The following NT5C2 variants were observed in gnomAD, a reference collection of about 807,000 sequenced individuals.
NT5C2 encodes the protein cytosolic purine 5'-nucleotidase.
Under a neutral mutation model 76.1 loss-of-function variants are expected in NT5C2, and 58 were observed. The ratio of observed to expected loss-of-function variants is 0.76; its 90% CI spans 0.62 to 0.95. The LOEUF (loss-of-function observed/expected upper bound fraction) is 0.95, where lower values mean the gene tolerates loss of function less well. NT5C2 is among the 40% of genes least tolerant of loss of function. The pLI is 0.00. For missense variants in NT5C2, 478 were observed against 690.3 expected (o/e 0.69, Z 3.45); for synonymous variants, 229 against 237.4 (o/e 0.96, Z 0.32).
intron 1 of NT5C2, among the ~76,000 whole-genome samples, chr10:103,184,885 T>C (rs184067366): frequency 3.9e-5 from 6 of 152,352 alleles, no homozygotes; most frequent in Non-Finnish European, 7.3e-5. Flanking sequence ...GCAGTACCTG[T>C]TGCCTTGACA....
chr10:103,127,793 T>A (rs1263417261), intron 4 of NT5C2, among the ~76,000 whole-genome samples: 1 of 152,092 alleles, frequency 6.6e-6, no homozygotes, highest in Non-Finnish European at 1.5e-5. Flanking sequence ...CCTGACCTTG[T>A]GATCCGCCCG....
chr10:103,142,458 C>A (rs1175461446), intron 3 of NT5C2, among the ~76,000 whole-genome samples: 1 of 152,038 alleles, frequency 6.6e-6, no homozygotes, highest in Non-Finnish European at 1.5e-5. Context: ...ATCGCTTGAG[C>A]ACAGGAGTTC....
At chr10:103,181,138 T>C (rs564891459) in intron 2 of NT5C2, 47 bp downstream of exon 2, 38 of 152,070 alleles carry the variant, frequency 2.5e-4, no homozygotes, top group African/African-American at 8.9e-4. Flanking sequence ...TGGGTACATA[T>C]ATATATGTTA....
intron 4 of NT5C2, among the ~76,000 whole-genome samples, chr10:103,114,873 A>T (rs796575026): frequency 1.4e-4 from 21 of 152,356 alleles, no homozygotes; most frequent in African/African-American, 4.6e-4. Context: ...TGACAGAATC[A>T]CAACATCCTC....
At chr10:103,164,813 T>C (rs963793373) in intron 3 of NT5C2, among the ~76,000 whole-genome samples, 5 of 152,246 alleles carry the variant, frequency 3.3e-5, no homozygotes, top group African/African-American at 1.2e-4. Context: ...CTTATACTAT[T>C]TCAATAAATC....
chr10:103,185,517 G>A (rs1010221783), intron 1 of NT5C2, among the ~76,000 whole-genome samples: 2 of 151,682 alleles, frequency 1.3e-5, no homozygotes, highest in Admixed American at 6.6e-5. Context: ...GCATGGTGAC[G>A]GGTGCCTGTA....
chr10:103,151,380 G>A (rs759140849), intron 3 of NT5C2, among the ~76,000 whole-genome samples: 4 of 151,232 alleles, frequency 2.6e-5, no homozygotes, highest in Admixed American at 1.3e-4. Flanking sequence ...CAGGAGAATC[G>A]CTTCAACCTG....
At chr10:103,099,287 CTAGTCTTGA>C (rs1203336861) in intron 9 of NT5C2, among the ~76,000 whole-genome samples, 1 of 152,148 alleles carries the variant, frequency 6.6e-6, no homozygotes, top group Non-Finnish European at 1.5e-5. Context: ...GTTGCCCAGG[CTAGTCTTGA>C]ACTCCTGAGC....
In NT5C2 at chr10:103,163,889, G is replaced by T. The variant is rs190577845; in HGVS notation, c.101+10969C>A. ...AAAAAAACAAAAAAAAAAAAACCTG[G>T]TGGCACACACCTGTAATCCCAGCTA... On this transcript the variant is annotated intron_variant, in intron 3 of 18. Coordinates refer to ENST00000404739, the MANE Select transcript of NT5C2 (RefSeq NM_001351169.2). 5.3e-3 allele frequency among the ~76,000 whole-genome samples: 796 copies of T among 149,318 alleles called. 7 individuals are homozygous for T. The highest frequency in any genetic ancestry group is 0.018 in the African/African-American group (743 of 40,582).
intron 16 of NT5C2, 88 bp downstream of exon 16, chr10:103,091,476 G>C (rs1480065262): frequency 9.7e-7 from 1 of 1,029,724 alleles, no homozygotes; most frequent in Non-Finnish European, 1.5e-6. Flanking sequence ...CTCCCAAATA[G>C]CTGGGATTAC....
intron 3 of NT5C2, 106 bp downstream of exon 3, chr10:103,174,752 G>C (rs766342328): frequency 3.8e-6 from 3 of 785,038 alleles, no homozygotes; most frequent in Admixed American, 1.8e-5. Flanking sequence ...CTAGACATAC[G>C]ATCTGGGTTA....
At chr10:103,153,197 G>A (rs778402985) in intron 3 of NT5C2, 120 of 853,818 alleles carry the variant, frequency 1.4e-4, no homozygotes, top group Non-Finnish European at 1.8e-4. Flanking sequence ...CTCCACTCTC[G>A]GACTGGTAGC....
intron 3 of NT5C2, chr10:103,146,392 A>G: frequency 1.0e-6 from 1 of 985,408 alleles, no homozygotes; most frequent in Non-Finnish European, 1.2e-6. Context: ...AATGAGACTA[A>G]GGATTCAAGT....
intron 3 of NT5C2, among the ~76,000 whole-genome samples, chr10:103,151,058 G>T (rs2082308892): frequency 6.6e-6 from 1 of 152,024 alleles, no homozygotes; most frequent in Non-Finnish European, 1.5e-5. Context: ...TTATATTCAG[G>T]TCTATGATCC....
chr10:103,186,690 G>A (rs1240044939), intron 1 of NT5C2, among the ~76,000 whole-genome samples: 2 of 151,476 alleles, frequency 1.3e-5, no homozygotes, highest in African/African-American at 2.4e-5. Context: ...CGAGGCGGGC[G>A]GATCACAAGG....
At chr10:103,139,218 G>T (rs969056057) in intron 4 of NT5C2, among the ~76,000 whole-genome samples, 188 bp downstream of exon 4, 1 of 152,084 alleles carries the variant, frequency 6.6e-6, no homozygotes, top group Admixed American at 6.6e-5. Context: ...ACAAACTCAT[G>T]AGCCACATCT....
chr10:103,164,117 C>T (rs1173997907), intron 3 of NT5C2, among the ~76,000 whole-genome samples: 1 of 152,082 alleles, frequency 6.6e-6, no homozygotes, highest in Non-Finnish European at 1.5e-5. Flanking sequence ...TGGTGGTGTG[C>T]TCCTGTATTT....
intron 4 of NT5C2, among the ~76,000 whole-genome samples, chr10:103,109,098 C>T (rs2072236947): frequency 6.6e-6 from 1 of 152,128 alleles, no homozygotes. Context: ...GATCCGCCTG[C>T]CTCGGGCTCC....
At chr10:103,151,947 C>A (rs1841366240) in intron 3 of NT5C2, among the ~76,000 whole-genome samples, 1 of 152,120 alleles carries the variant, frequency 6.6e-6, no homozygotes, top group Non-Finnish European at 1.5e-5. Flanking sequence ...AAAAAATCTG[C>A]CGTTACAGTG....
Sources: allele counts gnomAD v4.1 joint callset (sites outside exome capture counted in the v4.1 genomes callset), GRCh38; gene constraint gnomAD v4.1.1; transcripts MANE v1.5; gene names NCBI Gene and HGNC (gene_info 2026-07-23, HGNC 2026-07-21).